Variants in CALN1 observed in about 807,000 individuals in gnomAD.
The protein encoded by CALN1 is calneuron 1, also known as calcium-binding protein 8.
A neutral mutation model predicts 30.6 loss-of-function variants in CALN1; 17 were observed. That is an observed-to-expected ratio of 0.56 (90% CI 0.38 to 0.83). The LOEUF is 0.83. Among genes scored for constraint, CALN1 ranks in the 40% least tolerant of loss-of-function variants. The probability of loss-of-function intolerance (pLI) is 0.00; values close to 1 mark genes in which losing one functional copy is unlikely to be tolerated. For synonymous variants in CALN1, 156 were observed against 131.4 expected (o/e 1.19, Z -1.28); for missense variants, 291 against 354.9 (o/e 0.82, Z 1.45).
the CALN1 span, among the ~76,000 whole-genome samples, chr7:72,472,321 C>A: frequency 6.6e-6 from 1 of 152,184 alleles, no homozygotes; most frequent in African/African-American, 2.4e-5. Flanking sequence ...GGAGACAATG[C>A]AGACACACCT....
chr7:72,355,574 T>A (rs1437633823), intron 2 of CALN1, among the ~76,000 whole-genome samples: 1 of 152,106 alleles, frequency 6.6e-6, no homozygotes, highest in Admixed American at 6.6e-5. Context: ...GCCCAAGTCA[T>A]AAAAGAAAAA....
intron 4 of CALN1, among the ~76,000 whole-genome samples, chr7:72,063,499 T>C (rs1803807424): frequency 6.6e-6 from 1 of 152,062 alleles, no homozygotes; most frequent in African/African-American, 2.4e-5. Flanking sequence ...AACTGCAGAG[T>C]TGCTGAGCTA....
chr7:72,214,923 C>A (rs1792668465), intron 3 of CALN1, among the ~76,000 whole-genome samples: 1 of 151,648 alleles, frequency 6.6e-6, no homozygotes, highest in South Asian at 2.1e-4. Flanking sequence ...TCTCCCATCA[C>A]TCCCAGATAG....
chr7:71,873,001 A>ATTGTTTTTTT (rs1792029765), intron 5 of CALN1, among the ~76,000 whole-genome samples: 1 of 115,618 alleles, frequency 8.6e-6, no homozygotes, highest in African/African-American at 3.6e-5. Context: ...GTTTGTGACA[A>ATTGTTTTTTT]TTTTTTTTTT....
chr7:72,348,705 T>C (rs915565744), intron 2 of CALN1, among the ~76,000 whole-genome samples: 1 of 152,232 alleles, frequency 6.6e-6, no homozygotes, highest in South Asian at 2.1e-4. Context: ...GGATTGCCCC[T>C]TCCTGGTAGC....
At chr7:72,095,305 G>T (rs969460448) in intron 4 of CALN1, among the ~76,000 whole-genome samples, 1 of 152,110 alleles carries the variant, frequency 6.6e-6, no homozygotes. Flanking sequence ...GCATTAGCTA[G>T]TATTATTGTT....
chr7:71,930,179 A>G (rs1795474971), intron 5 of CALN1, among the ~76,000 whole-genome samples: 1 of 152,182 alleles, frequency 6.6e-6, no homozygotes, highest in Non-Finnish European at 1.5e-5. Flanking sequence ...TTTTTGACCT[A>G]TAGTTATTTG....
intron 2 of CALN1, among the ~76,000 whole-genome samples, chr7:72,322,606 A>C (rs1379186132): frequency 6.6e-6 from 1 of 152,126 alleles, no homozygotes; most frequent in Non-Finnish European, 1.5e-5. Flanking sequence ...GGAACTAAAA[A>C]TTAAAACAAT....
At chr7:72,277,924 G>A (rs959502027) in intron 3 of CALN1, among the ~76,000 whole-genome samples, 1 of 147,584 alleles carries the variant, frequency 6.8e-6, no homozygotes, top group African/African-American at 2.5e-5. Flanking sequence ...TCAAAAACAC[G>A]AGGGAAAACT....
At chr7:71,820,447 C>T (rs1441638207) in intron 5 of CALN1, among the ~76,000 whole-genome samples, 1 of 152,202 alleles carries the variant, frequency 6.6e-6, no homozygotes, top group Non-Finnish European at 1.5e-5. Flanking sequence ...GGCCATTGGT[C>T]ATTTGTATTT....
intron 2 of CALN1, among the ~76,000 whole-genome samples, chr7:72,331,845 T>C (rs1195500974): frequency 6.6e-6 from 1 of 151,210 alleles, no homozygotes; most frequent in Non-Finnish European, 1.5e-5. Flanking sequence ...CCTGATGCTC[T>C]TCCTCCTCCC....
chr7:72,224,855 G>A (rs1585207107), intron 3 of CALN1, among the ~76,000 whole-genome samples: 1 of 152,068 alleles, frequency 6.6e-6, no homozygotes, highest in South Asian at 2.1e-4. Flanking sequence ...TTGGGAAGTC[G>A]AGGCAGGTGA....
chr7:71,838,262 G>C (rs1789736947), intron 5 of CALN1, among the ~76,000 whole-genome samples: 1 of 152,192 alleles, frequency 6.6e-6, no homozygotes. Flanking sequence ...ATCTTTTTAA[G>C]CAGGCTTGTA....
rs554357577 is a variant in CALN1 at position 72,319,315 on chromosome 7, A to G, written c.120-40505T>C. 2.3e-4 allele frequency among the ~76,000 whole-genome samples: 35 copies of G among 152,334 alleles called. No homozygotes were observed. In the East Asian group the frequency reaches 6.6e-3, roughly 29 times the overall value. On this transcript the variant is annotated intron_variant, in intron 2 of 6. Coordinates refer to ENST00000395275, the MANE Select transcript of CALN1 (RefSeq NM_031468.4). ...AGGCCTCACAATCATGGCTGAGGGCAAGGAGGAGCAAGTCACATCTTACAT... is the reference window on the plus strand; with the variant it reads ...AGGCCTCACAATCATGGCTGAGGGCGAGGAGGAGCAAGTCACATCTTACAT...
chr7:72,088,365 C>T (rs1190720088), intron 4 of CALN1, among the ~76,000 whole-genome samples: 8 of 152,118 alleles, frequency 5.3e-5, no homozygotes, highest in Non-Finnish European at 7.4e-5. Context: ...CAATATTAAA[C>T]CCTAACAATA....
chr7:72,305,372 C>G (rs1799578766), intron 2 of CALN1, among the ~76,000 whole-genome samples: 1 of 152,142 alleles, frequency 6.6e-6, no homozygotes, highest in Non-Finnish European at 1.5e-5. Context: ...TGTTAAGGCT[C>G]CTTCTTAAGG....
chr7:72,426,342 G>A (rs1424414858), intron 1 of CALN1, among the ~76,000 whole-genome samples: 1 of 152,226 alleles, frequency 6.6e-6, no homozygotes, highest in Non-Finnish European at 1.5e-5. Context: ...GGTAAGAGGT[G>A]ATTGGATCAT....
Position 72,403,243 on chromosome 7 carries a change from A to C in CALN1, c.119+8T>G, listed in dbSNP as rs62463250. ...CTAGGTCCTTGGGTTTGGGGGAAGA[A>C]GACTTGCCAGGTGGGGAAGTCGGGG... is the stretch of plus-strand genomic sequence containing the variant. On this transcript the variant is annotated splice_region_variant and intron_variant, in intron 2 of 6. Transcript: ENST00000395275. 294,124 of 1,545,724 alleles carry C rather than the reference A, an allele frequency of 0.19. 29,678 individuals are homozygous for C. The highest frequency in any genetic ancestry group is 0.29 in the East Asian group (11,974 of 40,896).
intron 3 of CALN1, among the ~76,000 whole-genome samples, chr7:72,162,476 G>A (rs982676383): frequency 1.3e-5 from 2 of 152,146 alleles, no homozygotes; most frequent in Admixed American, 6.6e-5. Context: ...GCTCATAGCT[G>A]TGGTCCTGGC....
Sources: gnomAD v4.1 joint callset for allele counts (sites outside exome capture counted in the v4.1 genomes callset) on GRCh38, gnomAD v4.1.1 for gene constraint, MANE v1.5 for transcripts, NCBI Gene and HGNC (gene_info 2026-07-23, HGNC 2026-07-21) for gene names.